Variants in WDFY4 observed in about 807,000 individuals in gnomAD.
WDFY4 encodes WD repeat- and FYVE domain-containing protein 4.
WDFY4 carries 169 observed loss-of-function variants against 351.9 expected under a neutral mutation model. That is an observed-to-expected ratio of 0.48 (90% CI 0.42 to 0.55). WDFY4 has a LOEUF of 0.55. Among genes scored for constraint, WDFY4 ranks in the 20% least tolerant of loss-of-function variants. The probability of loss-of-function intolerance (pLI) is 0.00; values close to 1 mark genes in which losing one functional copy is unlikely to be tolerated. For missense variants in WDFY4, 3,803 were observed against 3,935.6 expected (o/e 0.97, Z 0.90); for synonymous variants, 1,622 against 1,574.6 (o/e 1.03, Z -0.71).
At chr10:48,758,808 C>T (rs1235122944) in intron 12 of WDFY4, among the ~76,000 whole-genome samples, 2 of 152,080 alleles carry the variant, frequency 1.3e-5, no homozygotes, top group African/African-American at 4.8e-5. Context: ...AAAATGTTCA[C>T]TCTTACTTCT....
chr10:48,715,990 A>G (rs566387084), intron 2 of WDFY4, among the ~76,000 whole-genome samples: 123 of 152,140 alleles, frequency 8.1e-4, no homozygotes, highest in African/African-American at 2.9e-3. Context: ...AGGGGACAGT[A>G]AGGGTAAGCC....
chr10:48,796,636 T>G (rs2066885346), intron 24 of WDFY4, among the ~76,000 whole-genome samples, 186 bp downstream of exon 24: 1 of 152,176 alleles, frequency 6.6e-6, no homozygotes. Context: ...ATGGACTGAG[T>G]GGCTTCGGAC....
At chr10:48,806,753 G>A (rs952840858) in intron 27 of WDFY4, among the ~76,000 whole-genome samples, 1 of 152,162 alleles carries the variant, frequency 6.6e-6, no homozygotes, top group Non-Finnish European at 1.5e-5. Flanking sequence ...GGGCCCTGCG[G>A]CTCTGCACTG....
At chr10:48,706,277 C>A (rs1203643987) in intron 1 of WDFY4, among the ~76,000 whole-genome samples, 1 of 152,198 alleles carries the variant, frequency 6.6e-6, no homozygotes, top group Non-Finnish European at 1.5e-5. Flanking sequence ...ACATAACATC[C>A]TTGCCTTCAC....
Position 48,770,179 on chromosome 10 carries a change from C to T in WDFY4, c.2554-4279C>T, listed in dbSNP as rs142842924. On this transcript the variant is annotated intron_variant, in intron 13 of 61. Transcript: ENST00000325239. ...AGTGATAATGAGGACGATCAATTTT[C>T]TCTCCTCCATTACGGGGTATTGAGC... Among the ~76,000 whole-genome samples the T allele has an allele frequency of 3.5e-4, 54 of 152,352 alleles. 1 individual carries two copies. The East Asian group carries it at 0.01, about 28-fold the overall frequency.
intron 13 of WDFY4, among the ~76,000 whole-genome samples, chr10:48,767,854 C>T (rs894705401): frequency 3.3e-5 from 5 of 152,048 alleles, no homozygotes; most frequent in African/African-American, 7.3e-5. Context: ...GTGAGCTTAG[C>T]GTCCAGCTGG....
intron 2 of WDFY4, among the ~76,000 whole-genome samples, chr10:48,712,357 C>T (rs1178729686): frequency 6.6e-6 from 1 of 152,242 alleles, no homozygotes; most frequent in Non-Finnish European, 1.5e-5. Flanking sequence ...AGTGTACTTA[C>T]TGCACATGGA....
At chr10:48,720,250 T>A (rs1388574766) in intron 3 of WDFY4, 125 bp downstream of exon 3, 17 of 961,638 alleles carry the variant, frequency 1.8e-5, no homozygotes, top group African/African-American at 3.3e-5. Flanking sequence ...CAAAGAGAAG[T>A]AGGCCCCACT....
chr10:48,734,165 T>G, intron 10 of WDFY4, 130 bp downstream of exon 10: 1 of 762,864 alleles, frequency 1.3e-6, no homozygotes, highest in South Asian at 1.8e-5. Context: ...TGGCTAATGA[T>G]CCTCTCTTGG....
Position 48,790,003 on chromosome 10 carries a change from G to A in WDFY4, c.4066+18G>A, listed in dbSNP as rs369097695. The A allele has an allele frequency of 4.5e-6, 7 of 1,550,346 alleles. No individual in the cohort carries two copies. In the African/African-American group the frequency reaches 9.6e-5, roughly 21 times the overall value. ...TCAATTAGGTATGTTCAACTGGGAA[G>A]CTTTGCCGCTATTTGGGAAGCAGGG... On this transcript the variant is annotated intron_variant, in intron 22 of 61. Coordinates refer to ENST00000325239, the MANE Select transcript of WDFY4 (RefSeq NM_001394531.1).
intron 12 of WDFY4, among the ~76,000 whole-genome samples, chr10:48,753,136 T>A (rs1266123844): frequency 6.6e-6 from 1 of 152,224 alleles, no homozygotes; most frequent in Non-Finnish European, 1.5e-5. Flanking sequence ...TGAATTTTTT[T>A]ATGTGCTTTT....
At chr10:48,826,957 A>G in intron 36 of WDFY4, 48 bp downstream of exon 36, 1 of 1,470,586 alleles carries the variant, frequency 6.8e-7, no homozygotes, top group South Asian at 1.2e-5. Context: ...TCCATGCAGA[A>G]AGGAGAGATT....
At chr10:48,838,717 C>T (rs1014793989) in intron 39 of WDFY4, among the ~76,000 whole-genome samples, 1 of 152,224 alleles carries the variant, frequency 6.6e-6, no homozygotes, top group African/African-American at 2.4e-5. Context: ...CCCCCCTATG[C>T]ACTGAATAAT....
chr10:48,793,542 C>T (rs2066751656), intron 23 of WDFY4, among the ~76,000 whole-genome samples: 2 of 152,182 alleles, frequency 1.3e-5, no homozygotes, highest in Admixed American at 1.3e-4. Flanking sequence ...CCTCCATCCT[C>T]CCTCATCCTT....
At chr10:48,760,512 A>T (rs1403473337) in intron 13 of WDFY4, 72 bp downstream of exon 13, 2 of 1,473,940 alleles carry the variant, frequency 1.4e-6, no homozygotes, top group Non-Finnish European at 1.9e-6. Context: ...CTGACCCAAG[A>T]CAGCTTTTTT....
chr10:48,947,573 T>G (rs755907658), intron 51 of WDFY4, among the ~76,000 whole-genome samples: 3 of 152,244 alleles, frequency 2.0e-5, no homozygotes, highest in African/African-American at 4.8e-5. Context: ...CTGGGCCTCC[T>G]GTATTGTATA....
At position 48,777,498 on chromosome 10, in the gene WDFY4, A is replaced by T. The variant is rs2066072121; in HGVS notation, c.3175+3A>T. The T allele has an allele frequency of 6.4e-7, 1 of 1,551,522 alleles. No individual in the cohort carries two copies. Among genetic ancestry groups the T allele is most frequent in the African/African-American group, 1.4e-5 (1 of 73,058 alleles). ...TGTCTCTGGAGGAATTGGGACAGGT[A>T]GGTGTTTTTCCCAGATGGTTTAGCT... On this transcript the variant is annotated splice_donor_region_variant and intron_variant, in intron 17 of 61. Transcript: ENST00000325239.
chr10:48,969,374 C>T, intron 56 of WDFY4, 126 bp downstream of exon 56: 2 of 1,214,228 alleles, frequency 1.6e-6, no homozygotes, highest in African/African-American at 1.5e-5. Flanking sequence ...AGGTGTGCTG[C>T]CAGCCTGGGC....
chr10:48,714,847 G>A (rs920795595), intron 2 of WDFY4, among the ~76,000 whole-genome samples: 2 of 152,206 alleles, frequency 1.3e-5, no homozygotes, highest in African/African-American at 4.8e-5. Context: ...TGTGGATGTG[G>A]TAGATTAGAG....
Sources: allele counts gnomAD v4.1 joint callset (sites outside exome capture counted in the v4.1 genomes callset), GRCh38; gene constraint gnomAD v4.1.1; transcripts MANE v1.5; gene names NCBI Gene and HGNC (gene_info 2026-07-23, HGNC 2026-07-21).